The following CCBE1 variants were observed in gnomAD, a reference collection of about 807,000 sequenced individuals.
CCBE1 encodes collagen and calcium binding EGF domains 1, also known as collagen and calcium-binding EGF domain-containing protein 1.
CCBE1 carries 37 observed loss-of-function variants against 50.0 expected under a neutral mutation model. The ratio of observed to expected loss-of-function variants is 0.74; its 90% CI spans 0.57 to 0.97. The LOEUF (loss-of-function observed/expected upper bound fraction) is 0.97. Ranked by LOEUF, CCBE1 falls within the 50% of genes least tolerant of loss-of-function variation. CCBE1 has a pLI of 0.00. For missense variants in CCBE1, 538 were observed against 523.8 expected (o/e 1.03, Z -0.26); for synonymous variants, 234 against 203.7 (o/e 1.15, Z -1.27).
intron 2 of CCBE1, among the ~76,000 whole-genome samples, chr18:59,584,731 TAA>T (rs1243281744): frequency 3.9e-5 from 6 of 152,060 alleles, no homozygotes; most frequent in Non-Finnish European, 7.4e-5. Flanking sequence ...CCACCACAAG[TAA>T]AAGTTTCCCG....
intron 6 of CCBE1, among the ~76,000 whole-genome samples, chr18:59,453,298 T>C (rs968690883): frequency 2.0e-4 from 31 of 152,202 alleles, no homozygotes; most frequent in African/African-American, 7.0e-4. Context: ...CAAACTTACT[T>C]CTTCCTCGAA....
chr18:59,677,234 A>G (rs150016174), intron 2 of CCBE1, among the ~76,000 whole-genome samples: 254 of 152,332 alleles, frequency 1.7e-3, no homozygotes, highest in African/African-American at 5.0e-3. Flanking sequence ...AAAAAGTCCC[A>G]AACTGGATAC....
chr18:59,439,962 G>A, intron 7 of CCBE1, 146 bp from the exon 8 acceptor site: 2 of 852,190 alleles, frequency 2.3e-6, no homozygotes, highest in Non-Finnish European at 3.6e-6. Flanking sequence ...CTGTCCCACA[G>A]GCATTTTAAA....
chr18:59,450,592 G>T (rs111492428), intron 6 of CCBE1, among the ~76,000 whole-genome samples: 1 of 152,172 alleles, frequency 6.6e-6, no homozygotes, highest in African/African-American at 2.4e-5. Context: ...GGAGTGCAGT[G>T]GTGCAATCTC....
chr18:59,532,351 C>T (rs949210), intron 2 of CCBE1, among the ~76,000 whole-genome samples: 149,134 of 152,306 alleles, frequency 0.98, 73,034 homozygotes, highest in East Asian at 1. Context: ...AGCCACATTG[C>T]CTCTTTATAT....
chr18:59,442,777 A>G (rs1598904053), intron 7 of CCBE1, among the ~76,000 whole-genome samples: 3 of 152,242 alleles, frequency 2.0e-5, no homozygotes, highest in African/African-American at 7.2e-5. Context: ...TCATATAAAA[A>G]TCTGGGTTCC....
chr18:59,566,759 C>T (rs1029902256), intron 2 of CCBE1, among the ~76,000 whole-genome samples: 1 of 152,136 alleles, frequency 6.6e-6, no homozygotes, highest in Non-Finnish European at 1.5e-5. Context: ...TTCTTAAATG[C>T]TATCACCACT....
chr18:59,529,355 C>T (rs1914957880), intron 2 of CCBE1, among the ~76,000 whole-genome samples: 1 of 152,160 alleles, frequency 6.6e-6, no homozygotes, highest in Non-Finnish European at 1.5e-5. Context: ...GCTCAGTTGC[C>T]TTAGGCAGCA....
chr18:59,614,918 C>G (rs2053618098), intron 2 of CCBE1, among the ~76,000 whole-genome samples: 1 of 152,234 alleles, frequency 6.6e-6, no homozygotes, highest in African/African-American at 2.4e-5. Flanking sequence ...ACCTCTACAA[C>G]AAACCATAGG....
At chr18:59,485,064 G>A (rs181695462) in intron 2 of CCBE1, among the ~76,000 whole-genome samples, 24 of 152,296 alleles carry the variant, frequency 1.6e-4, no homozygotes, top group African/African-American at 4.3e-4. Flanking sequence ...GGGAAAGCTC[G>A]TGTGGATTCT....
intron 2 of CCBE1, among the ~76,000 whole-genome samples, chr18:59,595,818 G>C (rs534945343): frequency 6.6e-6 from 1 of 152,176 alleles, no homozygotes; most frequent in Non-Finnish European, 1.5e-5. Flanking sequence ...TTAATACCAG[G>C]ATGAGGGAGT....
At position 59,697,147 on chromosome 18, in the gene CCBE1, G is replaced by T. The variant is rs1025169712; in HGVS notation, c.131+65C>A. On this transcript the variant is annotated intron_variant, in intron 1 of 10. Coordinates refer to ENST00000439986, the MANE Select transcript of CCBE1 (RefSeq NM_133459.4). ...GAGTGGGCGCCGGGGAGGACCGCCCGCACCCCGCGAGCCGGGCGCGCATCA... is the reference window on the plus strand; with the variant it reads ...GAGTGGGCGCCGGGGAGGACCGCCCTCACCCCGCGAGCCGGGCGCGCATCA... The T allele has an allele frequency of 2.6e-6, 4 of 1,543,088 alleles. No homozygotes were observed. The African/African-American group carries it at 5.5e-5, about 21-fold the overall frequency.
At chr18:59,488,102 G>A (rs1354635256) in intron 2 of CCBE1, among the ~76,000 whole-genome samples, 1 of 152,102 alleles carries the variant, frequency 6.6e-6, no homozygotes, top group South Asian at 2.1e-4. Flanking sequence ...GGAGAAATAC[G>A]GCATGATTCC....
chr18:59,689,692 T>A (rs570069662), intron 2 of CCBE1, among the ~76,000 whole-genome samples: 13 of 152,358 alleles, frequency 8.5e-5, no homozygotes, highest in African/African-American at 3.1e-4. Context: ...GAAAACATGA[T>A]GCTGGCCTAG....
intron 2 of CCBE1, among the ~76,000 whole-genome samples, chr18:59,560,497 C>T (rs532274183): frequency 6.6e-6 from 1 of 152,218 alleles, no homozygotes; most frequent in African/African-American, 2.4e-5. Flanking sequence ...ATACCTAATG[C>T]ATGCGGGGCT....
At chr18:59,516,249 T>C (rs1914367220) in intron 2 of CCBE1, among the ~76,000 whole-genome samples, 2 of 152,208 alleles carry the variant, frequency 1.3e-5, no homozygotes, top group Non-Finnish European at 2.9e-5. Context: ...TGTTTTTTTT[T>C]TTCTTATCAA....
chr18:59,506,749 A>T (rs906023212), intron 2 of CCBE1, among the ~76,000 whole-genome samples: 6 of 152,212 alleles, frequency 3.9e-5, no homozygotes, highest in African/African-American at 1.2e-4. Flanking sequence ...GGTGGAGAGG[A>T]GCAGATAGAA....
chr18:59,546,605 G>A (rs771663932), intron 2 of CCBE1, among the ~76,000 whole-genome samples: 1 of 152,172 alleles, frequency 6.6e-6, no homozygotes, highest in Non-Finnish European at 1.5e-5. Context: ...ATAGATAAAA[G>A]AAACAAAATC....
chr18:59,543,712 G>GT (rs1915560821), intron 2 of CCBE1, among the ~76,000 whole-genome samples: 1 of 152,008 alleles, frequency 6.6e-6, no homozygotes, highest in Non-Finnish European at 1.5e-5. Context: ...GCGGGCGCCT[G>GT]TAGTCCCAGC....
Sources: allele counts gnomAD v4.1 joint callset (sites outside exome capture counted in the v4.1 genomes callset), GRCh38; gene constraint gnomAD v4.1.1; transcripts MANE v1.5; gene names NCBI Gene and HGNC (gene_info 2026-07-23, HGNC 2026-07-21).